The following RAPGEF6 variants were observed in gnomAD, a reference collection of about 807,000 sequenced individuals.
RAPGEF6 encodes the protein PDZ domain containing guanine nucleotide exchange factor (GEF) 2.
RAPGEF6 carries 56 observed loss-of-function variants against 171.4 expected under a neutral mutation model. That is an observed-to-expected ratio of 0.33 (90% CI 0.26 to 0.41). The LOEUF (loss-of-function observed/expected upper bound fraction) is 0.41. RAPGEF6 is among the 10% of genes least tolerant of loss of function. RAPGEF6 has a pLI of 1.00. For synonymous variants in RAPGEF6, 692 were observed against 650.1 expected, an observed-to-expected ratio of 1.06 and a Z score of -0.98; for missense variants, 1,674 against 1,921.4, an observed-to-expected ratio of 0.87 and a Z score of 2.41.
At chr5:131,571,366 A>C (rs1427109462) in intron 4 of RAPGEF6, among the ~76,000 whole-genome samples, 1 of 152,242 alleles carries the variant, frequency 6.6e-6, no homozygotes, top group Non-Finnish European at 1.5e-5. Context: ...GATCAAAATA[A>C]GATCTGAATT....
chr5:131,451,331 C>G (rs906297942), intron 21 of RAPGEF6, among the ~76,000 whole-genome samples: 1 of 152,054 alleles, frequency 6.6e-6, no homozygotes, highest in African/African-American at 2.4e-5. Context: ...CGCCTGTAAT[C>G]CCAGCACTTT....
At chr5:131,464,780 A>G (rs972452093) in intron 17 of RAPGEF6, among the ~76,000 whole-genome samples, 1 of 152,194 alleles carries the variant, frequency 6.6e-6, no homozygotes, top group Admixed American at 6.5e-5. Flanking sequence ...AAATTCTCAA[A>G]AACAGAATTG....
intron 27 of RAPGEF6, among the ~76,000 whole-genome samples, chr5:131,427,612 A>G (rs189151723): frequency 2.6e-5 from 4 of 152,372 alleles, no homozygotes; most frequent in South Asian, 2.1e-4. Context: ...AAAAGGAACT[A>G]TATCAATAGA....
chr5:131,479,844 T>C, intron 15 of RAPGEF6, 91 bp from the exon 16 acceptor site: 3 of 1,341,648 alleles, frequency 2.2e-6, no homozygotes, highest in Non-Finnish European at 3.1e-6. Flanking sequence ...CACAGTGACT[T>C]TCCATTATTT....
At chr5:131,448,855 T>C (rs1251080958) in intron 21 of RAPGEF6, among the ~76,000 whole-genome samples, 1 of 152,044 alleles carries the variant, frequency 6.6e-6, no homozygotes, top group South Asian at 2.1e-4. Flanking sequence ...ATAATAGTAA[T>C]GCCAGGTATC....
At chr5:131,446,346 CA>C in intron 22 of RAPGEF6, 136 bp downstream of exon 22, 1 of 769,308 alleles carries the variant, frequency 1.3e-6, no homozygotes, top group Non-Finnish European at 2.0e-6. Context: ...TTAATTGGAT[CA>C]CATGATGCTT....
At chr5:131,630,102 A>G (rs1018422807) in intron 1 of RAPGEF6, among the ~76,000 whole-genome samples, 5 of 152,222 alleles carry the variant, frequency 3.3e-5, no homozygotes, top group Admixed American at 2.0e-4. Context: ...CATGAAAGAA[A>G]GTCAATTGAT....
chr5:131,598,225 C>CT (rs1764017692), intron 3 of RAPGEF6, among the ~76,000 whole-genome samples: 1 of 151,936 alleles, frequency 6.6e-6, no homozygotes, highest in South Asian at 2.1e-4. Context: ...AGACTAGAAA[C>CT]AGCAGAAGAC....
At chr5:131,496,320 C>T (rs1756640455) in intron 12 of RAPGEF6, among the ~76,000 whole-genome samples, 1 of 152,092 alleles carries the variant, frequency 6.6e-6, no homozygotes, top group Admixed American at 6.6e-5. Context: ...AATAACATGC[C>T]TAACAATGTA....
Position 131,591,436 on chromosome 5 carries a change from CATTT to C in RAPGEF6, c.281+943_281+946del, listed in dbSNP as rs548601665. On this transcript the variant is annotated intron_variant, in intron 4 of 27. Transcript: ENST00000509018. ...TCTAAGAGCTTTATGTAGAGTAAGT[CATTT>C]ATTTCTCAGAACTAGCTTATGCTAT... Among the ~76,000 whole-genome samples, 41 of 152,248 alleles carry C rather than the reference CATTT, an allele frequency of 2.7e-4. No individual in the cohort carries two copies. The South Asian group carries it at 7.9e-3, about 29-fold the overall frequency.
At chr5:131,481,900 T>C (rs1755512757) in intron 15 of RAPGEF6, among the ~76,000 whole-genome samples, 1 of 152,204 alleles carries the variant, frequency 6.6e-6, no homozygotes, top group African/African-American at 2.4e-5. Flanking sequence ...TTGTAAATTG[T>C]GTAAATATGC....
intron 5 of RAPGEF6, among the ~76,000 whole-genome samples, chr5:131,559,970 G>A (rs370456617): frequency 4.5e-4 from 69 of 152,162 alleles, no homozygotes; most frequent in African/African-American, 1.6e-3. Flanking sequence ...CACCAGTGGA[G>A]TTAATCAAAT....
At chr5:131,585,223 T>C (rs938663286) in intron 4 of RAPGEF6, among the ~76,000 whole-genome samples, 13 of 149,778 alleles carry the variant, frequency 8.7e-5, no homozygotes, top group Admixed American at 8.0e-4. Context: ...CAATTCCAGG[T>C]AGACTACAGA....
chr5:131,593,938 A>T lies in RAPGEF6; in HGVS notation c.198-1472T>A, dbSNP rs147150814. ...AATTTGCAGCCTGATAATGTGGTAGAAAAGAAAACCCCATTCTCTGGGGAG... is the reference window on the plus strand; with the variant it reads ...AATTTGCAGCCTGATAATGTGGTAGTAAAGAAAACCCCATTCTCTGGGGAG... On this transcript the variant is annotated intron_variant, in intron 3 of 27. Coordinates refer to ENST00000509018, the MANE Select transcript of RAPGEF6 (RefSeq NM_016340.6). 2.6e-5 allele frequency among the ~76,000 whole-genome samples: 4 copies of T among 152,368 alleles called. No homozygotes were observed. In the East Asian group the frequency reaches 7.7e-4, roughly 29 times the overall value.
intron 6 of RAPGEF6, among the ~76,000 whole-genome samples, chr5:131,545,892 A>G (rs1760491342): frequency 6.8e-6 from 1 of 147,974 alleles, no homozygotes; most frequent in African/African-American, 2.7e-5. Context: ...TAGGATCACC[A>G]TGTAACACTA....
intron 5 of RAPGEF6, 30 bp downstream of exon 5, chr5:131,561,948 A>G: frequency 6.5e-7 from 1 of 1,526,864 alleles, no homozygotes; most frequent in Non-Finnish European, 9.0e-7. Flanking sequence ...AGCATATCAA[A>G]AACAATTCAG....
chr5:131,485,715 T>C (rs1755839414), intron 15 of RAPGEF6, among the ~76,000 whole-genome samples: 1 of 152,224 alleles, frequency 6.6e-6, no homozygotes, highest in Non-Finnish European at 1.5e-5. Context: ...GCTAAGTGGG[T>C]CATGATTCTG....
At chr5:131,570,041 CAAAAAA>C (rs34729268) in intron 4 of RAPGEF6, among the ~76,000 whole-genome samples, 4 of 27,474 alleles carry the variant, frequency 1.5e-4, no homozygotes, top group African/African-American at 1.9e-4. Flanking sequence ...GACTCTGTCT[CAAAAAA>C]AAAAAAAAAA....
chr5:131,515,739 G>A (rs899948759), intron 7 of RAPGEF6, among the ~76,000 whole-genome samples: 1 of 152,126 alleles, frequency 6.6e-6, no homozygotes, highest in Non-Finnish European at 1.5e-5. Flanking sequence ...ATGAAGCTAC[G>A]GGTAGAAGAG....
Sources: allele counts gnomAD v4.1 joint callset (sites outside exome capture counted in the v4.1 genomes callset), GRCh38; gene constraint gnomAD v4.1.1; transcripts MANE v1.5; gene names NCBI Gene and HGNC (gene_info 2026-07-23, HGNC 2026-07-21).